KLHL41: variants seen among roughly 807,000 people sequenced by gnomAD.
The protein encoded by KLHL41 is kelch like family member 41, also known as kelch-like protein 41.
A neutral mutation model predicts 49.2 loss-of-function variants in KLHL41; 31 were observed. That is an observed-to-expected ratio of 0.63 (90% CI 0.47 to 0.85). KLHL41 has a LOEUF of 0.85. Ranked by LOEUF, KLHL41 falls within the 40% of genes least tolerant of loss-of-function variation. The probability of loss-of-function intolerance (pLI) is 0.00; values close to 1 mark genes in which losing one functional copy is unlikely to be tolerated. For missense variants in KLHL41, 663 were observed against 726.7 expected, an observed-to-expected ratio of 0.91 and a Z score of 1.01; for synonymous variants, 218 against 258.5, an observed-to-expected ratio of 0.84 and a Z score of 1.50.
chr2:169,523,312 G>A (rs138292270), intron 5 of KLHL41, among the ~76,000 whole-genome samples: 2,215 of 152,218 alleles, frequency 0.015, 12 homozygotes, highest in Middle Eastern at 0.038. Context: ...AATCACCAGG[G>A]TGCTTCAAAA....
chr2:169,510,480 T>C lies in KLHL41; in HGVS notation c.702T>C (p.Asp234=). 1 of 1,613,858 alleles carries C rather than the reference T, an allele frequency of 6.2e-7. No homozygotes were observed. The highest frequency in any genetic ancestry group is 8.5e-7 in the Non-Finnish European group (1 of 1,179,928). The change falls in exon 1 of 6, where the codon GAT becomes GAC. Residue 234 remains aspartate, a synonymous_variant. Coordinates refer to ENST00000284669, the MANE Select transcript of KLHL41 (RefSeq NM_006063.3). This position sits in a 1 kb window ranked among gnomAD's most constrained non-coding sequence, Gnocchi z 4.2. The part of the protein sequence containing the change: ...FRLMTEKYFK[D]HVEKDDIIKS... ...TTATGACAGAAAAATATTTTAAGGA[T>C]CATGTTGAGAAAGATGATATAATTA...
At chr2:169,516,793 A>C (rs1303088327) in intron 3 of KLHL41, among the ~76,000 whole-genome samples, 1 of 152,026 alleles carries the variant, frequency 6.6e-6, no homozygotes, top group Non-Finnish European at 1.5e-5. Flanking sequence ...AGACCGAGGC[A>C]GGTGGATCAC....
Position 169,509,861 on chromosome 2 carries a change from A to G in KLHL41, c.83A>G (p.Asp28Gly), listed in dbSNP as rs1684002399. 2 of 1,614,184 alleles carry G rather than the reference A, an allele frequency of 1.2e-6. No homozygotes were observed. The highest frequency in any genetic ancestry group is 8.5e-7 in the Non-Finnish European group (1 of 1,180,040). ...CAGGATGGTCTAAAAGATCTCCTGG[A>G]TGAGAAAAAATTCATCGATTGCACC... Reference protein sequence around the residue: ...LLQDGLKDLLDEKKFIDCTLK... With the variant: ...LLQDGLKDLLGEKKFIDCTLK... The change falls in exon 1 of 6, where the codon GAT (aspartate) becomes GGT (glycine). Residue 28 changes from aspartate (D) to glycine (G), a missense_variant. Physicochemically the swap from Asp to Gly is moderately conservative, Grantham distance 94 (BLOSUM62 -1). Coordinates refer to ENST00000284669, the MANE Select transcript of KLHL41 (RefSeq NM_006063.3).
At chr2:169,520,296 G>A (rs1192406081) in intron 4 of KLHL41, among the ~76,000 whole-genome samples, 4 of 124,718 alleles carry the variant, frequency 3.2e-5, no homozygotes, top group South Asian at 3.0e-4. Context: ...GTGTGTGTGT[G>A]TGTGTGTGTG....
chr2:169,509,971 G>A lies in KLHL41; in HGVS notation c.193G>A (p.Glu65Lys), dbSNP rs772174002. Residue 65 changes from glutamate (E) to lysine (K), a missense_variant, in exon 1 of 6, where the codon GAA becomes AAA. Physicochemically the swap from Glu to Lys is moderately conservative, Grantham distance 56 (BLOSUM62 1). This residue lies in a region of KLHL41 where 129 missense variants were observed against 122.1 expected (regional missense o/e 1.06). Coordinates refer to ENST00000284669, the MANE Select transcript of KLHL41 (RefSeq NM_006063.3). ...TTACTTCCGTGAGTACTTTTTATCT[G>A]AAATTGATGAGGCGAAAAAAAAGGA... ...SPYFREYFLS[E>K]IDEAKKKEVV... 5.0e-6 allele frequency: 8 copies of A among 1,614,100 alleles called. No individual in the cohort carries two copies. The highest frequency in any genetic ancestry group is 3.3e-5 in the Admixed American group (2 of 60,014).
At chr2:169,513,827 T>C (rs996624813) in intron 1 of KLHL41, among the ~76,000 whole-genome samples, 2 of 152,184 alleles carry the variant, frequency 1.3e-5, no homozygotes, top group Non-Finnish European at 2.9e-5. Context: ...ATGAAACAGA[T>C]GCCACCATCA....
chr2:169,518,403 A>G lies in KLHL41; in HGVS notation c.1562+28A>G, dbSNP rs775891967. 51 of 1,495,734 alleles carry G rather than the reference A, an allele frequency of 3.4e-5. No individual in the cohort carries two copies. In the East Asian group the frequency reaches 1.1e-3, roughly 33 times the overall value. 92.7% of individuals were successfully genotyped at this position (1,495,734 alleles called of 1,614,324 possible). Reference sequence around the variant, plus strand: ...GAGTTGCCACATCTTAGTATATAGCATGTGAACAACTATACATTTTAATTG... The same window carrying G: ...GAGTTGCCACATCTTAGTATATAGCGTGTGAACAACTATACATTTTAATTG... On this transcript the variant is annotated intron_variant, in intron 4 of 5. Transcript: ENST00000284669.
In KLHL41 at chr2:169,514,751, C is replaced by A. The variant is rs1245384229; in HGVS notation, c.1268+20C>A. The A allele has an allele frequency of 9.9e-6, 16 of 1,612,318 alleles. No homozygotes were observed. Among genetic ancestry groups the A allele is most frequent in the Non-Finnish European group, 1.4e-5 (16 of 1,178,796 alleles). On this transcript the variant is annotated intron_variant, in intron 2 of 5. Transcript: ENST00000284669. ...TCCTGTGTAAGTTGGCATGATATTCCTGTTCCCTAAGCATTCAAGTATATG... is the reference window on the plus strand; with the variant it reads ...TCCTGTGTAAGTTGGCATGATATTCATGTTCCCTAAGCATTCAAGTATATG...
At chr2:169,516,511 TA>T (rs1242143207) in intron 3 of KLHL41, among the ~76,000 whole-genome samples, 1 of 152,180 alleles carries the variant, frequency 6.6e-6, no homozygotes, top group Non-Finnish European at 1.5e-5. Context: ...GGAAAATCAC[TA>T]CTAAAGAGCA....
At chr2:169,520,141 C>G (rs957885330) in intron 4 of KLHL41, among the ~76,000 whole-genome samples, 35 of 147,326 alleles carry the variant, frequency 2.4e-4, no homozygotes, top group Non-Finnish European at 4.5e-4. Context: ...GACATACCAC[C>G]AGGCCTAGCT....
rs369205530 is a variant in KLHL41 at position 169,510,635 on chromosome 2, A to G, written c.857A>G (p.Asp286Gly). The change falls in exon 1 of 6, where the codon GAT (aspartate) becomes GGT (glycine). Residue 286 changes from aspartate (D) to glycine (G), a missense_variant. Physicochemically the swap from Asp to Gly is moderately conservative, Grantham distance 94. Coordinates refer to ENST00000284669, the MANE Select transcript of KLHL41 (RefSeq NM_006063.3). The surrounding 1 kb of genome is among the most constrained non-coding windows in gnomAD (Gnocchi z 4.2). ...GEVNGDVGDE[D>G]LLPGYLNDIP... ...GTGAATGGTGATGTTGGTGATGAAG[A>G]TTTACTTCCTGGTTACCTGAATGAC... 5 of 1,613,970 alleles carry G rather than the reference A, an allele frequency of 3.1e-6. No individual in the cohort carries two copies. In the African/African-American group the frequency reaches 5.3e-5, roughly 17 times the overall value.
intron 5 of KLHL41, among the ~76,000 whole-genome samples, chr2:169,522,705 A>ATTTTTTTTTTTTTTTTTTT (rs60635668): frequency 4.0e-5 from 2 of 50,092 alleles, no homozygotes; most frequent in Non-Finnish European, 6.8e-5. Flanking sequence ...CTTCCCAGTG[A>ATTTTTTTTTTTTTTTTTTT]TTTTTTTTTT....
Position 169,525,597 on chromosome 2 carries a change from TAA to T in KLHL41, c.1727_1728del (p.Lys576ArgfsTer16), listed in dbSNP as rs1684290803. The part of the protein sequence containing the change: ...VNDIWKYEDD[K>X]KEWAGMLKEI... ...TTTCCTCCATCAGGTATGAAGATGATAAAAAAGAATGGGCTGGGATGTTGAAG... is the reference window on the plus strand; with the variant it reads ...TTTCCTCCATCAGGTATGAAGATGATAAAAGAATGGGCTGGGATGTTGAAG... On this transcript the variant is annotated frameshift_variant, in exon 6 of 6. Transcript: ENST00000284669. LOFTEE classifies it high-confidence loss of function. 1 of 1,607,938 alleles carries T rather than the reference TAA, an allele frequency of 6.2e-7. No individual in the cohort carries two copies. Among genetic ancestry groups the T allele is most frequent in the Non-Finnish European group, 8.5e-7 (1 of 1,174,522 alleles).
intron 1 of KLHL41, chr2:169,514,296 C>G (rs556873834): frequency 4.2e-5 from 12 of 285,410 alleles, no homozygotes; most frequent in Non-Finnish European, 6.5e-5. Flanking sequence ...CAAGAAACCT[C>G]ACAGTTGTAA....
intron 5 of KLHL41, among the ~76,000 whole-genome samples, chr2:169,523,036 A>T (rs979491303): frequency 6.6e-6 from 1 of 151,866 alleles, no homozygotes; most frequent in Non-Finnish European, 1.5e-5. Flanking sequence ...GATGATTCTA[A>T]TCAGCAGCCA....
rs1684148468 is a variant in KLHL41, at chr2:169,518,348, T to G, written c.1535T>G (p.Val512Gly). Residue 512 changes from valine to glycine, a missense_variant, in exon 4 of 6, where the codon GTT (valine) becomes GGT (glycine). Physicochemically the swap from Val to Gly is moderately radical, Grantham distance 109. Around this residue, in one of 3 missense-constraint regions of KLHL41, gnomAD observed 528 missense variants for 581.0 expected, o/e 0.91. Transcript: ENST00000284669. ...ACTGAAGATGGTCTTTCAGCTTCAG[T>G]TGAAGCTTTTGACCTTACAACAAAT... is the stretch of plus-strand genomic sequence containing the variant. ...GVTEDGLSAS[V>G]EAFDLTTNKW... 1 of 1,613,612 alleles carries G rather than the reference T, an allele frequency of 6.2e-7. No homozygotes were observed. Among genetic ancestry groups the G allele is most frequent in the Non-Finnish European group, 8.5e-7 (1 of 1,179,826 alleles).
At chr2:169,516,999 C>T (rs949002454) in intron 3 of KLHL41, among the ~76,000 whole-genome samples, 2 of 151,578 alleles carry the variant, frequency 1.3e-5, no homozygotes, top group East Asian at 2.0e-4. Flanking sequence ...GCAACAAGAG[C>T]GAAACTCCGT....
intron 3 of KLHL41, among the ~76,000 whole-genome samples, chr2:169,515,477 C>G (rs902580619): frequency 1.3e-5 from 2 of 152,176 alleles, no homozygotes; most frequent in Non-Finnish European, 2.9e-5. Flanking sequence ...CCTAATACCC[C>G]AATCATAAGC....
chr2:169,522,705 A>ATTTTTTTTTTT lies in KLHL41; in HGVS notation c.1709+1720_1709+1730dup, dbSNP rs60635668. 4.4e-4 allele frequency among the ~76,000 whole-genome samples: 22 copies of ATTTTTTTTTTT among 50,126 alleles called. 2 individuals carry two copies. The highest frequency in any genetic ancestry group is 7.5e-4 in the East Asian group (1 of 1,334). 32.9% of individuals were successfully genotyped at this position (50,126 alleles called of 152,430 possible). On this transcript the variant is annotated intron_variant, in intron 5 of 5. Coordinates refer to ENST00000284669, the MANE Select transcript of KLHL41 (RefSeq NM_006063.3). ...CCTAGTTCCTAAAACCTTCCCAGTGATTTTTTTTTTTTTTTTTTTTTTTTT... is the reference window on the plus strand; with the variant it reads ...CCTAGTTCCTAAAACCTTCCCAGTGATTTTTTTTTTTTTTTTTTTTTTTTTTTTTTTTTTTT...
Sources: allele counts gnomAD v4.1 joint callset (sites outside exome capture counted in the v4.1 genomes callset), GRCh38; gene constraint gnomAD v4.1.1; regional missense constraint gnomAD v4.1.1; non-coding constraint Gnocchi (gnomAD v3.1); transcripts MANE v1.5; gene names NCBI Gene and HGNC (gene_info 2026-07-23, HGNC 2026-07-21).